The following CCDC60 variants were observed in gnomAD, a reference collection of about 807,000 sequenced individuals.
CCDC60 encodes coiled-coil domain-containing protein 60.
Under a neutral mutation model 63.5 loss-of-function variants are expected in CCDC60, and 54 were observed. The observed-to-expected ratio is 0.85, with a 90% confidence interval of 0.68 to 1.07. The LOEUF is 1.07. CCDC60 is among the 50% of genes least tolerant of loss of function. The pLI is 0.00. For missense variants in CCDC60, 651 were observed against 684.3 expected, an observed-to-expected ratio of 0.95 and a Z score of 0.54; for synonymous variants, 206 against 238.8, an observed-to-expected ratio of 0.86 and a Z score of 1.27.
At chr12:119,387,695 A>C (rs541721046) in intron 1 of CCDC60, among the ~76,000 whole-genome samples, 3 of 152,194 alleles carry the variant, frequency 2.0e-5, no homozygotes, top group Non-Finnish European at 4.4e-5. Flanking sequence ...ACAACTTCTT[A>C]AAACTTAAAT....
intron 4 of CCDC60, among the ~76,000 whole-genome samples, chr12:119,483,261 G>A (rs1411779623): frequency 6.6e-6 from 1 of 152,248 alleles, no homozygotes; most frequent in Non-Finnish European, 1.5e-5. Context: ...ACCAGGGCTG[G>A]CCCTGCCTGA....
At chr12:119,397,508 C>A (rs528896619) in intron 1 of CCDC60, among the ~76,000 whole-genome samples, 2 of 151,576 alleles carry the variant, frequency 1.3e-5, no homozygotes, top group South Asian at 4.2e-4. Flanking sequence ...AAGTCCTCAC[C>A]AGATTAGCTA....
chr12:119,419,173 T>C (rs1374039713), intron 1 of CCDC60, among the ~76,000 whole-genome samples: 2 of 152,198 alleles, frequency 1.3e-5, no homozygotes, highest in Admixed American at 6.5e-5. Flanking sequence ...CAAATCCCAC[T>C]TCCTCCTCCT....
chr12:119,387,831 C>G (rs1956087325), intron 1 of CCDC60, among the ~76,000 whole-genome samples: 2 of 152,162 alleles, frequency 1.3e-5, no homozygotes, highest in African/African-American at 4.8e-5. Context: ...CTCTGACGCA[C>G]ATTTCAGGTT....
intron 2 of CCDC60, among the ~76,000 whole-genome samples, chr12:119,471,433 G>A (rs1315156727): frequency 6.6e-6 from 1 of 152,218 alleles, no homozygotes; most frequent in Non-Finnish European, 1.5e-5. Flanking sequence ...TCTGTGCCAA[G>A]CACTTCACTG....
intron 1 of CCDC60, among the ~76,000 whole-genome samples, chr12:119,367,755 T>C (rs1592995576): frequency 6.6e-6 from 1 of 152,090 alleles, no homozygotes; most frequent in African/African-American, 2.4e-5. Flanking sequence ...TTATGCAAAA[T>C]GAAAGAAGCT....
At position 119,483,771 on chromosome 12, in the gene CCDC60, A is replaced by T. The variant is rs567748661; in HGVS notation, c.449+4570A>T. On this transcript the variant is annotated intron_variant, in intron 4 of 13. Coordinates refer to ENST00000327554, the MANE Select transcript of CCDC60 (RefSeq NM_178499.5). Reference sequence around the variant, plus strand: ...GAGTTCTGAGCTCAGGGACTTCAGAAGCAGGCTTTGTGTAACCCTGTTCAG... The same window carrying T: ...GAGTTCTGAGCTCAGGGACTTCAGATGCAGGCTTTGTGTAACCCTGTTCAG... Among the ~76,000 whole-genome samples the T allele has an allele frequency of 2.0e-5, 3 of 152,358 alleles. No homozygotes were observed. The East Asian group carries it at 5.8e-4, about 29-fold the overall frequency.
chr12:119,495,361 C>T (rs1427037222), intron 5 of CCDC60, among the ~76,000 whole-genome samples: 3 of 152,166 alleles, frequency 2.0e-5, no homozygotes, highest in Non-Finnish European at 4.4e-5. Flanking sequence ...AGGGACTCGA[C>T]TTACCGAGAT....
At chr12:119,408,453 G>A (rs1471261264) in intron 1 of CCDC60, among the ~76,000 whole-genome samples, 1 of 152,192 alleles carries the variant, frequency 6.6e-6, no homozygotes, top group Non-Finnish European at 1.5e-5. Flanking sequence ...CTATTGGCTG[G>A]TATCAGGTGC....
At chr12:119,442,698 A>G (rs909092067) in intron 2 of CCDC60, among the ~76,000 whole-genome samples, 12 of 152,202 alleles carry the variant, frequency 7.9e-5, no homozygotes, top group African/African-American at 2.9e-4. Flanking sequence ...CATAATAACT[A>G]TCTTTGCATG....
At chr12:119,539,250 G>T (rs576686933) in intron 13 of CCDC60, among the ~76,000 whole-genome samples, 1 of 152,226 alleles carries the variant, frequency 6.6e-6, no homozygotes, top group Non-Finnish European at 1.5e-5. Flanking sequence ...CTTCAGAGCC[G>T]GCAGGCAGGA....
intron 2 of CCDC60, among the ~76,000 whole-genome samples, chr12:119,458,437 A>T (rs967092124): frequency 4.0e-5 from 6 of 151,386 alleles, no homozygotes; most frequent in East Asian, 3.9e-4. Flanking sequence ...TTTTATTTTT[A>T]TTTTTTTTTA....
At chr12:119,369,641 A>G (rs547053987) in intron 1 of CCDC60, among the ~76,000 whole-genome samples, 1 of 152,266 alleles carries the variant, frequency 6.6e-6, no homozygotes, top group South Asian at 2.1e-4. Context: ...TCCATCTACA[A>G]ATGGAGAAAA....
intron 1 of CCDC60, among the ~76,000 whole-genome samples, chr12:119,427,363 T>C (rs753346410): frequency 1.3e-5 from 2 of 152,238 alleles, no homozygotes; most frequent in Non-Finnish European, 2.9e-5. Context: ...AAATCAAACA[T>C]CTTTATATAT....
chr12:119,371,973 T>C (rs1036533106), intron 1 of CCDC60, among the ~76,000 whole-genome samples: 1 of 152,100 alleles, frequency 6.6e-6, no homozygotes, highest in Non-Finnish European at 1.5e-5. Flanking sequence ...AAGCATGATC[T>C]TAGGCCGGAC....
intron 2 of CCDC60, among the ~76,000 whole-genome samples, chr12:119,471,758 C>CT (rs1198053200): frequency 4.6e-5 from 7 of 151,988 alleles, no homozygotes; most frequent in Non-Finnish European, 1.0e-4. Context: ...GTCAACTCAT[C>CT]TTTTTTTTAA....
At chr12:119,347,825 G>T (rs1955613194) in intron 1 of CCDC60, among the ~76,000 whole-genome samples, 1 of 152,148 alleles carries the variant, frequency 6.6e-6, no homozygotes, top group Non-Finnish European at 1.5e-5. Context: ...GTTGTTGAGA[G>T]GATCAGGGAC....
At chr12:119,449,751 G>A (rs1226286695) in intron 2 of CCDC60, among the ~76,000 whole-genome samples, 1 of 152,108 alleles carries the variant, frequency 6.6e-6, no homozygotes, top group African/African-American at 2.4e-5. Context: ...GGCCAGACAG[G>A]TCAATCAGCA....
chr12:119,417,972 T>G (rs1438859638), intron 1 of CCDC60, among the ~76,000 whole-genome samples: 1 of 152,200 alleles, frequency 6.6e-6, no homozygotes, highest in African/African-American at 2.4e-5. Flanking sequence ...AACCTGAAAC[T>G]GGGGTTTCAG....
Sources: gnomAD v4.1 joint callset for allele counts (sites outside exome capture counted in the v4.1 genomes callset) on GRCh38, gnomAD v4.1.1 for gene constraint, MANE v1.5 for transcripts, NCBI Gene and HGNC (gene_info 2026-07-23, HGNC 2026-07-21) for gene names.